The following PIP5K1B variants were observed in gnomAD, a reference collection of about 807,000 sequenced individuals.
PIP5K1B encodes the protein phosphatidylinositol 4-phosphate 5-kinase type-1 beta.
In PIP5K1B, 42 loss-of-function variants were observed where a neutral mutation model predicts 67.0. The observed-to-expected ratio is 0.63, with a 90% CI of 0.49 to 0.81. The LOEUF (loss-of-function observed/expected upper bound fraction) is 0.81, where lower values mean the gene tolerates loss of function less well. Ranked by LOEUF, PIP5K1B falls within the 30% of genes least tolerant of loss-of-function variation. The probability of loss-of-function intolerance (pLI) is 0.00; values close to 1 mark genes in which losing one functional copy is unlikely to be tolerated. For missense variants in PIP5K1B, 459 were observed against 646.3 expected, an observed-to-expected ratio of 0.71 and a Z score of 3.14; for synonymous variants, 214 against 231.4, an observed-to-expected ratio of 0.92 and a Z score of 0.68.
intron 12 of PIP5K1B, among the ~76,000 whole-genome samples, chr9:68,926,211 G>A (rs1826692470): frequency 1.3e-5 from 2 of 152,136 alleles, no homozygotes; most frequent in African/African-American, 2.4e-5. Flanking sequence ...GCCCTTTAAT[G>A]TTCTAGCTTT....
At position 68,822,666 on chromosome 9, in the gene PIP5K1B, G is replaced by GA. The variant is rs1311542883; in HGVS notation, c.58dup (p.Thr20AsnfsTer3). On this transcript the variant is annotated frameshift_variant, in exon 4 of 16. Coordinates refer to ENST00000265382, the MANE Select transcript of PIP5K1B (RefSeq NM_003558.4). LOFTEE classifies it high-confidence loss of function. Reference sequence around the variant, plus strand: ...GGCAGCACCTGGAAAACAAAATGAAGAAAAAACCTATAAAAAGGTGAGTGT... The same window carrying GA: ...GGCAGCACCTGGAAAACAAAATGAAGAAAAAAACCTATAAAAAGGTGAGTGT... The GA allele has an allele frequency of 3.1e-6, 5 of 1,612,368 alleles. No homozygotes were observed. The highest frequency in any genetic ancestry group is 4.2e-6 in the Non-Finnish European group (5 of 1,178,776).
intron 14 of PIP5K1B, among the ~76,000 whole-genome samples, chr9:68,953,271 TG>T (rs1828188551): frequency 6.6e-6 from 1 of 152,208 alleles, no homozygotes; most frequent in Non-Finnish European, 1.5e-5. Context: ...ATTCTTTTTT[TG>T]TTCGCTGAGA....
At chr9:68,806,122 A>G (rs545426615) in intron 2 of PIP5K1B, among the ~76,000 whole-genome samples, 11 of 152,306 alleles carry the variant, frequency 7.2e-5, no homozygotes, top group Non-Finnish European at 1.0e-4. Flanking sequence ...TGCTTTGGAT[A>G]ATCTGCTGGT....
At chr9:68,796,885 C>T (rs780019054) in intron 2 of PIP5K1B, among the ~76,000 whole-genome samples, 32 of 152,276 alleles carry the variant, frequency 2.1e-4, no homozygotes, top group Non-Finnish European at 4.0e-4. Flanking sequence ...TCCAGTAGCC[C>T]AGTGAAACAT....
intron 14 of PIP5K1B, among the ~76,000 whole-genome samples, chr9:68,968,806 T>A (rs1012692565): frequency 6.6e-6 from 1 of 152,052 alleles, no homozygotes; most frequent in South Asian, 2.1e-4. Flanking sequence ...AGCTCCCAGT[T>A]ATGTCTCATG....
rs1031829009 is a variant in PIP5K1B, at chr9:68,917,906, C to G, written c.983+147C>G. 1.6e-5 allele frequency: 10 copies of G among 618,062 alleles called. No individual in the cohort carries two copies. The East Asian group carries it at 1.6e-4, about 10-fold the overall frequency. 38.3% of individuals were successfully genotyped at this position (618,062 alleles called of 1,614,324 possible). A position where few individuals can be genotyped will look rare whatever the true frequency, so the allele number is the denominator to read the frequency against. On this transcript the variant is annotated intron_variant, in intron 9 of 15. Transcript: ENST00000265382. ...AAATGGGTTAAACTGGTCTCCATTTCTATTCATCTAAAGATAACTAGATGA... is the reference window on the plus strand; with the variant it reads ...AAATGGGTTAAACTGGTCTCCATTTGTATTCATCTAAAGATAACTAGATGA...
At chr9:68,992,867 A>AAG (rs1830441069) in intron 15 of PIP5K1B, among the ~76,000 whole-genome samples, 1 of 116,016 alleles carries the variant, frequency 8.6e-6, no homozygotes, top group East Asian at 2.3e-4. Context: ...AAAAAAAAAA[A>AAG]AAAAGTCCTG....
intron 1 of PIP5K1B, among the ~76,000 whole-genome samples, chr9:68,709,525 G>T (rs781533053): frequency 7.9e-5 from 12 of 152,298 alleles, no homozygotes; most frequent in Non-Finnish European, 1.6e-4. Flanking sequence ...GAGACCCTGT[G>T]CTCGGCCAAA....
intron 2 of PIP5K1B, among the ~76,000 whole-genome samples, chr9:68,763,754 A>G (rs1229646186): frequency 6.6e-6 from 1 of 152,168 alleles, no homozygotes; most frequent in African/African-American, 2.4e-5. Context: ...TTTACACTCA[A>G]AATAGAAACC....
intron 7 of PIP5K1B, 23 bp from the exon 8 acceptor site, chr9:68,894,316 A>T: frequency 6.9e-7 from 1 of 1,458,092 alleles, no homozygotes; most frequent in Non-Finnish European, 9.5e-7. Flanking sequence ...TTGTAAATAT[A>T]TTTTTCTTTT....
In PIP5K1B at chr9:68,934,976, C is replaced by A. The variant is rs995478122; in HGVS notation, c.1288C>A (p.Gln430Lys). ...ACAGGAGATTGTGTCCTCAATTAGC[C>A]AGGAATGGAAGGATGAGAAGCGGGA... ...TSQEIVSSIS[Q>K]EWKDEKRDLL... Residue 430 changes from glutamine (Q) to lysine (K), a missense_variant, in exon 13 of 16, where the codon CAG becomes AAG. Transcript: ENST00000265382. The A allele has an allele frequency of 2.5e-6, 4 of 1,613,596 alleles. No homozygotes were observed. The South Asian group carries it at 3.3e-5, about 13-fold the overall frequency.
chr9:68,868,621 A>G (rs990016386), intron 5 of PIP5K1B, among the ~76,000 whole-genome samples: 2 of 152,210 alleles, frequency 1.3e-5, no homozygotes, highest in Non-Finnish European at 2.9e-5. Context: ...TCCAGCTTTT[A>G]TCTTAGAATT....
chr9:68,933,711 G>C (rs946061808), intron 12 of PIP5K1B, among the ~76,000 whole-genome samples: 8 of 152,124 alleles, frequency 5.3e-5, no homozygotes, highest in Non-Finnish European at 1.0e-4. Flanking sequence ...TTGGATTCCA[G>C]ACTCTAAAGC....
intron 8 of PIP5K1B, among the ~76,000 whole-genome samples, chr9:68,911,238 C>T (rs1273149234): frequency 1.3e-5 from 2 of 151,672 alleles, no homozygotes; most frequent in Non-Finnish European, 2.9e-5. Context: ...CTGGTCATGG[C>T]GGCACACGCC....
chr9:68,865,277 T>C (rs1038713758), intron 5 of PIP5K1B, among the ~76,000 whole-genome samples: 8 of 152,142 alleles, frequency 5.3e-5, no homozygotes, highest in African/African-American at 1.7e-4. Context: ...TCTCTGTGTT[T>C]GTTTTTAACA....
chr9:68,922,151 C>G (rs1344825888), intron 11 of PIP5K1B, among the ~76,000 whole-genome samples: 1 of 152,032 alleles, frequency 6.6e-6, no homozygotes, highest in Non-Finnish European at 1.5e-5. Flanking sequence ...TGCCAGGATA[C>G]CAGAAAGAGT....
At chr9:68,798,085 A>G (rs1163490483) in intron 2 of PIP5K1B, among the ~76,000 whole-genome samples, 1 of 152,132 alleles carries the variant, frequency 6.6e-6, no homozygotes, top group Admixed American at 6.5e-5. Context: ...TCCACTTGAT[A>G]GCCAATGTGA....
intron 15 of PIP5K1B, among the ~76,000 whole-genome samples, chr9:69,005,892 TC>T (rs1021536922): frequency 6.6e-6 from 1 of 151,910 alleles, no homozygotes; most frequent in Non-Finnish European, 1.5e-5. Flanking sequence ...TTTTTTTTTT[TC>T]TTTAGAGACA....
intron 14 of PIP5K1B, among the ~76,000 whole-genome samples, chr9:68,975,396 G>A (rs187865994): frequency 4.6e-5 from 7 of 152,344 alleles, no homozygotes; most frequent in African/African-American, 1.2e-4. Flanking sequence ...GACAGAAAAT[G>A]TAGTGTTTAG....
Sources: allele counts gnomAD v4.1 joint callset (sites outside exome capture counted in the v4.1 genomes callset), GRCh38; gene constraint gnomAD v4.1.1; transcripts MANE v1.5; gene names NCBI Gene and HGNC (gene_info 2026-07-23, HGNC 2026-07-21).